The following CHRM3 variants were observed in gnomAD, a reference collection of about 807,000 sequenced individuals.
The protein encoded by CHRM3 is cholinergic receptor muscarinic 3.
Under a neutral mutation model 41.8 loss-of-function variants are expected in CHRM3, and 11 were observed. The ratio of observed to expected loss-of-function variants is 0.26; its 90% confidence interval spans 0.17 to 0.44. CHRM3 has a LOEUF of 0.44. CHRM3 is among the 20% of genes least tolerant of loss of function. The pLI, the probability that CHRM3 is intolerant of heterozygous loss-of-function variation, is 1.00. For missense variants in CHRM3, 571 were observed against 745.4 expected (o/e 0.77, Z 2.72); for synonymous variants, 297 against 301.4 (o/e 0.99, Z 0.15).
chr1:239,907,081 T>A lies in CHRM3; in HGVS notation c.-19-352T>A, dbSNP rs1161320731. Among the ~76,000 whole-genome samples, 4 of 152,216 alleles carry A rather than the reference T, an allele frequency of 2.6e-5. No homozygotes were observed. The highest frequency in any genetic ancestry group is 9.6e-5 in the African/African-American group (4 of 41,460). ...TAGCATGAAGATAAAGCTGTTTGGA[T>A]AATTGTAATAGAAATGTCTGATATT... On this transcript the variant is annotated intron_variant, in intron 6 of 6. Transcript: ENST00000676153. This position sits in a 1 kb window ranked among gnomAD's most constrained non-coding sequence, Gnocchi z 5.4.
intron 4 of CHRM3, among the ~76,000 whole-genome samples, chr1:239,653,628 G>A (rs1031988865): frequency 6.6e-5 from 10 of 152,156 alleles, no homozygotes; most frequent in Non-Finnish European, 1.0e-4. Context: ...ACAAGGGCTC[G>A]TTTAGCATTC....
At chr1:239,821,234 C>G (rs968780560) in intron 5 of CHRM3, among the ~76,000 whole-genome samples, 1 of 152,180 alleles carries the variant, frequency 6.6e-6, no homozygotes, top group Non-Finnish European at 1.5e-5. Context: ...CCAACACTTT[C>G]GATGAAGCTA....
At chr1:239,394,151 C>T (rs562322813) in intron 1 of CHRM3, among the ~76,000 whole-genome samples, 31 of 152,246 alleles carry the variant, frequency 2.0e-4, no homozygotes, top group African/African-American at 7.0e-4. Flanking sequence ...TTAGATGTTG[C>T]GTGAATTTCT....
chr1:239,618,825 C>T (rs1344251305), intron 3 of CHRM3, among the ~76,000 whole-genome samples: 2 of 116,734 alleles, frequency 1.7e-5, no homozygotes, highest in Middle Eastern at 6.8e-3. Context: ...GCCTGGGAGA[C>T]AGAGCGAGAC....
At chr1:239,875,936 G>T (rs1434714981) in intron 6 of CHRM3, among the ~76,000 whole-genome samples, 1 of 152,118 alleles carries the variant, frequency 6.6e-6, no homozygotes, top group Non-Finnish European at 1.5e-5. Flanking sequence ...CCCCTTAAAG[G>T]TAGTTTTATG....
At chr1:239,481,766 A>G (rs183922443) in intron 1 of CHRM3, among the ~76,000 whole-genome samples, 73 of 152,328 alleles carry the variant, frequency 4.8e-4, no homozygotes, top group African/African-American at 1.7e-3. Flanking sequence ...GATACAAGGT[A>G]TATCACTATA....
chr1:239,639,642 A>G (rs1670880712), intron 4 of CHRM3, among the ~76,000 whole-genome samples: 1 of 151,868 alleles, frequency 6.6e-6, no homozygotes, highest in South Asian at 2.1e-4. Flanking sequence ...GAAGTTGCTT[A>G]TCAGCTTAAG....
chr1:239,742,162 G>A (rs533907180), intron 5 of CHRM3, among the ~76,000 whole-genome samples: 2 of 152,026 alleles, frequency 1.3e-5, no homozygotes, highest in East Asian at 3.9e-4. Context: ...TATAATAAAA[G>A]GACATATTTA....
intron 5 of CHRM3, among the ~76,000 whole-genome samples, chr1:239,801,141 C>T (rs1015202029): frequency 2.6e-5 from 4 of 152,104 alleles, no homozygotes; most frequent in South Asian, 2.1e-4. Flanking sequence ...AGGCATGGTG[C>T]GAAATGCACA....
At chr1:239,851,381 T>C (rs866253807) in intron 6 of CHRM3, among the ~76,000 whole-genome samples, 1 of 152,344 alleles carries the variant, frequency 6.6e-6, no homozygotes. Context: ...TGCTATGTTA[T>C]TGCAAATATA....
chr1:239,504,359 A>G (rs1370306636), intron 2 of CHRM3, among the ~76,000 whole-genome samples: 2 of 152,206 alleles, frequency 1.3e-5, no homozygotes, highest in Non-Finnish European at 2.9e-5. Context: ...CAAAACCACA[A>G]TATGATACCA....
In CHRM3 at chr1:239,849,890, A is replaced by G. The variant is rs182014261; in HGVS notation, c.-20+22512A>G. On this transcript the variant is annotated intron_variant, in intron 6 of 6. Transcript: ENST00000676153. The stretch of plus-strand genomic sequence containing the variant: ...CTATTCTTGTTACTATTAGTAACAG[A>G]TAAAACGGGTATCCTCACCTGGCAA... Among the ~76,000 whole-genome samples the G allele has an allele frequency of 9.2e-4, 140 of 152,348 alleles. 1 individual carries two copies. The highest frequency in any genetic ancestry group is 1.6e-3 in the Non-Finnish European group (110 of 68,034).
At chr1:239,785,548 G>A (rs1158599025) in intron 5 of CHRM3, among the ~76,000 whole-genome samples, 11 of 152,216 alleles carry the variant, frequency 7.2e-5, no homozygotes, top group Non-Finnish European at 4.4e-5. Context: ...CTCTGCCCTC[G>A]TCAGTCTTCC....
chr1:239,726,090 T>C (rs978330718), intron 5 of CHRM3, among the ~76,000 whole-genome samples: 3 of 151,944 alleles, frequency 2.0e-5, no homozygotes, highest in Admixed American at 1.3e-4. Context: ...TGTCTATGAC[T>C]GCTTGTGCAC....
At chr1:239,496,438 G>A (rs1009517954) in intron 2 of CHRM3, among the ~76,000 whole-genome samples, 14 of 151,392 alleles carry the variant, frequency 9.2e-5, no homozygotes, top group Admixed American at 9.2e-4. Context: ...GAAGATAATT[G>A]TACAATAACT....
intron 1 of CHRM3, among the ~76,000 whole-genome samples, chr1:239,480,349 A>T (rs1050579206): frequency 1.3e-5 from 2 of 152,152 alleles, no homozygotes; most frequent in African/African-American, 4.8e-5. Flanking sequence ...TTATTTATCT[A>T]TCTTTTAAGC....
At chr1:239,726,747 A>T (rs554273336) in intron 5 of CHRM3, among the ~76,000 whole-genome samples, 215 of 152,038 alleles carry the variant, frequency 1.4e-3, no homozygotes, top group African/African-American at 4.8e-3. Context: ...TAGACATGAC[A>T]ATAAATGTCT....
At chr1:239,577,000 A>G (rs900953298) in intron 3 of CHRM3, among the ~76,000 whole-genome samples, 15 of 152,208 alleles carry the variant, frequency 9.9e-5, no homozygotes, top group African/African-American at 3.6e-4. Flanking sequence ...AAAAGAAAAA[A>G]TAAATTGTAA....
chr1:239,446,490 A>G (rs1664165003), intron 1 of CHRM3, among the ~76,000 whole-genome samples: 1 of 152,242 alleles, frequency 6.6e-6, no homozygotes, highest in Non-Finnish European at 1.5e-5. Context: ...ACTAAATAGT[A>G]ATGAAAATGT....
Sources: gnomAD v4.1 joint callset for allele counts (sites outside exome capture counted in the v4.1 genomes callset) on GRCh38, gnomAD v4.1.1 for gene constraint, Gnocchi (gnomAD v3.1) non-coding constraint, MANE v1.5 for transcripts, NCBI Gene and HGNC (gene_info 2026-07-23, HGNC 2026-07-21) for gene names.